The following ABLIM2 variants were observed in gnomAD, a reference collection of about 807,000 sequenced individuals.
ABLIM2 encodes the protein actin binding LIM protein family member 2, also known as actin-binding LIM protein 2.
A neutral mutation model predicts 97.7 loss-of-function variants in ABLIM2; 53 were observed. That is an observed-to-expected ratio of 0.54 (90% CI 0.44 to 0.68). The LOEUF (loss-of-function observed/expected upper bound fraction) is 0.68, where lower values mean the gene tolerates loss of function less well. Among genes scored for constraint, ABLIM2 ranks in the 30% least tolerant of loss-of-function variants. The pLI is 0.00. For missense variants in ABLIM2, 835 were observed against 867.2 expected, an observed-to-expected ratio of 0.96 and a Z score of 0.47; for synonymous variants, 361 against 345.8, an observed-to-expected ratio of 1.04 and a Z score of -0.49.
At chr4:8,101,037 C>T (rs1316188206) in intron 2 of ABLIM2, among the ~76,000 whole-genome samples, 1 of 152,238 alleles carries the variant, frequency 6.6e-6, no homozygotes. Flanking sequence ...GAGGAATATA[C>T]ACCCAGATGG....
intron 4 of ABLIM2, among the ~76,000 whole-genome samples, chr4:8,084,192 T>G (rs1821767283): frequency 6.6e-6 from 1 of 152,196 alleles, no homozygotes; most frequent in African/African-American, 2.4e-5. Context: ...GAAAAGCCGC[T>G]GGAAAAGATA....
chr4:7,976,720 T>G (rs1396944138), intron 20 of ABLIM2, among the ~76,000 whole-genome samples: 1 of 151,930 alleles, frequency 6.6e-6, no homozygotes, highest in East Asian at 1.9e-4. Flanking sequence ...TATATCCATA[T>G]GCATACACAC....
chr4:8,035,982 G>T (rs1477652054), intron 10 of ABLIM2, among the ~76,000 whole-genome samples, 167 bp downstream of exon 10: 1 of 152,202 alleles, frequency 6.6e-6, no homozygotes, highest in Non-Finnish European at 1.5e-5. Flanking sequence ...ACTGAAATAG[G>T]ATGTGCACAT....
rs1758820185 is a variant in ABLIM2 at position 8,003,576 on chromosome 4, T to C, written c.1618+4483A>G. Among the ~76,000 whole-genome samples, 1 of 148,610 alleles carries C rather than the reference T, an allele frequency of 6.7e-6. No homozygotes were observed. The highest frequency in any genetic ancestry group is 1.5e-5 in the Non-Finnish European group (1 of 67,342). ...TTCCAGTTTTCTTTTTTTTTTTTTT[T>C]TTTTTTGGAGATGGAGTCTCGCTCT... On this transcript the variant is annotated intron_variant, in intron 16 of 20. Transcript: ENST00000447017. The surrounding 1 kb of genome is among the most constrained non-coding windows in gnomAD (Gnocchi z 4.2).
intron 6 of ABLIM2, among the ~76,000 whole-genome samples, chr4:8,065,646 GGGCACAGT>G (rs1162830758): frequency 6.6e-6 from 1 of 152,158 alleles, no homozygotes; most frequent in Non-Finnish European, 1.5e-5. Context: ...AAACTTGGCT[GGGCACAGT>G]GGCTCAAGCC....
chr4:8,104,086 C>T (rs1450336933), intron 2 of ABLIM2, among the ~76,000 whole-genome samples: 1 of 152,180 alleles, frequency 6.6e-6, no homozygotes, highest in Admixed American at 6.5e-5. Flanking sequence ...GTGGAGGCCA[C>T]CCCTTCTCCC....
At chr4:8,038,536 C>T (rs1786022167) in intron 9 of ABLIM2, among the ~76,000 whole-genome samples, 1 of 152,224 alleles carries the variant, frequency 6.6e-6, no homozygotes, top group Admixed American at 6.5e-5. Flanking sequence ...GGTTCAGCCC[C>T]CTACTCCAGC....
intron 9 of ABLIM2, among the ~76,000 whole-genome samples, chr4:8,039,131 A>T (rs28392704): frequency 0.13 from 19,937 of 152,114 alleles, 1,908 homozygotes; most frequent in East Asian, 0.27. Context: ...CATCACTGAG[A>T]CCCTTGCCCA....
At chr4:8,009,790 T>TC (rs1488293901) in intron 14 of ABLIM2, among the ~76,000 whole-genome samples, 1 of 152,184 alleles carries the variant, frequency 6.6e-6, no homozygotes, top group Non-Finnish European at 1.5e-5. Flanking sequence ...GGCGAGGGGC[T>TC]CTGGATACGC....
intron 1 of ABLIM2, among the ~76,000 whole-genome samples, chr4:8,108,519 C>T (rs978183554): frequency 1.2e-4 from 18 of 152,236 alleles, no homozygotes; most frequent in Admixed American, 6.5e-4. Flanking sequence ...TACTCTCCCT[C>T]GACAACCAGG....
intron 20 of ABLIM2, among the ~76,000 whole-genome samples, chr4:7,981,070 A>G (rs552235986): frequency 6.6e-6 from 1 of 150,948 alleles, no homozygotes; most frequent in South Asian, 2.1e-4. Flanking sequence ...TAGCCTCCCA[A>G]GTAGCTGGGA....
rs146373838 is a variant in ABLIM2, at chr4:8,110,171, G to C, written c.11-3534C>G. ...CCAGTCCACATCTGAGGCTCAGTCAGAGCTCACAGGGGTGGGGGCCGTGCA... is the reference window on the plus strand; with the variant it reads ...CCAGTCCACATCTGAGGCTCAGTCACAGCTCACAGGGGTGGGGGCCGTGCA... On this transcript the variant is annotated intron_variant, in intron 1 of 20. Coordinates refer to ENST00000447017, the MANE Select transcript of ABLIM2 (RefSeq NM_001130083.2). Among the ~76,000 whole-genome samples, 80 of 152,380 alleles carry C rather than the reference G, an allele frequency of 5.3e-4. No homozygotes were observed. The East Asian group carries it at 0.015, about 28-fold the overall frequency.
At position 8,148,484 on chromosome 4, in the gene ABLIM2, A is replaced by C. The variant is rs772962259; in HGVS notation, c.10+10196T>G. The stretch of plus-strand genomic sequence containing the variant: ...CAGCTGGCACGGTGCTTCTCAGCCG[A>C]ATCACCTCGGGAGAGTTACCTAATT... On this transcript the variant is annotated intron_variant, in intron 1 of 20. Transcript: ENST00000447017. This position sits in a 1 kb window ranked among gnomAD's most constrained non-coding sequence, Gnocchi z 6.7. 6.6e-6 allele frequency among the ~76,000 whole-genome samples: 1 copy of C among 152,100 alleles called. No individual in the cohort carries two copies. Among genetic ancestry groups the C allele is most frequent in the Non-Finnish European group, 1.5e-5 (1 of 68,008 alleles).
chr4:8,102,166 T>C (rs1323623356), intron 2 of ABLIM2, among the ~76,000 whole-genome samples: 3 of 152,214 alleles, frequency 2.0e-5, no homozygotes, highest in Non-Finnish European at 4.4e-5. Flanking sequence ...CTAATCCCCT[T>C]GGTCATTCTG....
At chr4:8,038,818 C>T (rs961116742) in intron 9 of ABLIM2, among the ~76,000 whole-genome samples, 1 of 152,168 alleles carries the variant, frequency 6.6e-6, no homozygotes, top group Non-Finnish European at 1.5e-5. Context: ...AGCAGCTCCC[C>T]TCTGCCTTCT....
intron 6 of ABLIM2, among the ~76,000 whole-genome samples, chr4:8,063,867 G>GA (rs1476876653): frequency 6.6e-6 from 1 of 152,130 alleles, no homozygotes; most frequent in Non-Finnish European, 1.5e-5. Flanking sequence ...ATAAGCCTAG[G>GA]CATGCCTGGA....
intron 9 of ABLIM2, among the ~76,000 whole-genome samples, chr4:8,040,535 C>A (rs577623994): frequency 6.6e-6 from 1 of 151,626 alleles, no homozygotes; most frequent in Non-Finnish European, 1.5e-5. Flanking sequence ...TGCTTGAACC[C>A]GGGAGGCAGA....
At position 8,143,159 on chromosome 4, in the gene ABLIM2, T is replaced by TCG. The variant is rs58979220; in HGVS notation, c.10+15520_10+15521insCG. Among the ~76,000 whole-genome samples, 186 of 61,390 alleles carry TCG rather than the reference T, an allele frequency of 3.0e-3. 10 individuals are homozygous for TCG. The highest frequency in any genetic ancestry group is 0.01 in the Middle Eastern group (1 of 96). The allele number at this position is 61,390 out of a possible 152,430, so 40.3% of individuals were successfully genotyped here. On this transcript the variant is annotated intron_variant, in intron 1 of 20. Coordinates refer to ENST00000447017, the MANE Select transcript of ABLIM2 (RefSeq NM_001130083.2). ...CCCATACTGGGAGCGGGGGCGAGAG[T>TCG]GGGGGGGGGGGGCGTCTGCAAATGC...
chr4:8,135,469 C>A (rs1219886862), intron 1 of ABLIM2, among the ~76,000 whole-genome samples: 1 of 152,208 alleles, frequency 6.6e-6, no homozygotes, highest in Non-Finnish European at 1.5e-5. Flanking sequence ...AGTGTGGAAG[C>A]TTCATGAATG....
Sources: allele counts gnomAD v4.1 joint callset (sites outside exome capture counted in the v4.1 genomes callset), GRCh38; gene constraint gnomAD v4.1.1; non-coding constraint Gnocchi (gnomAD v3.1); transcripts MANE v1.5; gene names NCBI Gene and HGNC (gene_info 2026-07-23, HGNC 2026-07-21).